CMIP: variants seen among roughly 807,000 people sequenced by gnomAD.
The protein encoded by CMIP is C-Maf-inducing protein.
Under a neutral mutation model 97.3 loss-of-function variants are expected in CMIP, and 13 were observed. The ratio of observed to expected loss-of-function variants is 0.13; its 90% CI spans 0.09 to 0.21. The LOEUF is 0.21. Ranked by LOEUF, CMIP falls within the 10% of genes least tolerant of loss-of-function variation. The pLI is 1.00. For synonymous variants in CMIP, 538 were observed against 436.3 expected, an observed-to-expected ratio of 1.23 and a Z score of -2.91; for missense variants, 847 against 1,024.9, an observed-to-expected ratio of 0.83 and a Z score of 2.37.
At chr16:81,487,761 G>A (rs751556926) in intron 1 of CMIP, among the ~76,000 whole-genome samples, 5 of 152,240 alleles carry the variant, frequency 3.3e-5, no homozygotes, top group Admixed American at 2.6e-4. Flanking sequence ...CCCATGCAAA[G>A]TGTTTGGTTG....
intron 1 of CMIP, among the ~76,000 whole-genome samples, chr16:81,563,390 C>T (rs774827108): frequency 1.5e-4 from 23 of 152,170 alleles, no homozygotes; most frequent in Non-Finnish European, 3.2e-4. Context: ...CGCGCTGCTG[C>T]GGTTTCCTTC....
At chr16:81,483,537 C>T (rs1056586460) in intron 1 of CMIP, among the ~76,000 whole-genome samples, 5 of 152,112 alleles carry the variant, frequency 3.3e-5, no homozygotes, top group Non-Finnish European at 7.4e-5. Flanking sequence ...CGAAGTGCCT[C>T]CTGGCTTGCC....
chr16:81,554,191 G>A (rs2090716515), intron 1 of CMIP, among the ~76,000 whole-genome samples: 1 of 152,202 alleles, frequency 6.6e-6, no homozygotes, highest in Admixed American at 6.5e-5. Flanking sequence ...TATGTTGAGG[G>A]GAGTCTACCT....
chr16:81,708,078 C>T (rs1908348563), intron 20 of CMIP, among the ~76,000 whole-genome samples: 1 of 152,260 alleles, frequency 6.6e-6, no homozygotes, highest in Non-Finnish European at 1.5e-5. Flanking sequence ...GTGGCTGCCA[C>T]AGTCCCCTTC....
rs79485558 is a variant in CMIP, at chr16:81,461,945, A to G, written c.300+16404A>G. 0.022 allele frequency among the ~76,000 whole-genome samples: 3,285 copies of G among 152,338 alleles called. 209 individuals carry two copies. In the East Asian group the frequency reaches 0.28, roughly 13 times the overall value. ...GGCATTGCGTGTTGCGGTGAGCTGC[A>G]TAGGCAGTTCTCATGGAGCTGGCTG... On this transcript the variant is annotated intron_variant, in intron 1 of 20. Transcript: ENST00000537098.
At chr16:81,601,269 CG>C (rs2150933154) in intron 1 of CMIP, among the ~76,000 whole-genome samples, 1 of 152,280 alleles carries the variant, frequency 6.6e-6, no homozygotes, top group South Asian at 2.1e-4. Context: ...TCAGCCTGGA[CG>C]TCATGATTCG....
chr16:81,500,559 G>A (rs562762358), intron 1 of CMIP, among the ~76,000 whole-genome samples: 11 of 146,772 alleles, frequency 7.5e-5, no homozygotes, highest in Admixed American at 2.8e-4. Context: ...TGCGATCTCC[G>A]CTCACTGCAA....
At chr16:81,609,379 C>T (rs986125675) in intron 2 of CMIP, among the ~76,000 whole-genome samples, 4 of 152,272 alleles carry the variant, frequency 2.6e-5, no homozygotes, top group African/African-American at 4.8e-5. Flanking sequence ...CCCCCCTCGG[C>T]GGGGGAGATG....
At chr16:81,457,596 A>G (rs1024213682) in intron 1 of CMIP, among the ~76,000 whole-genome samples, 12 of 152,232 alleles carry the variant, frequency 7.9e-5, no homozygotes, top group African/African-American at 2.7e-4. Context: ...AGGCTCTGCC[A>G]CATGTCCCCG....
Position 81,691,806 on chromosome 16 carries a change from G to T in CMIP, c.1420G>T (p.Ala474Ser), listed in dbSNP as rs779618183. Residue 474 changes from alanine to serine, a missense_variant, in exon 11 of 21, where the codon GCC becomes TCC. Physicochemically the swap from Ala to Ser is moderately conservative, Grantham distance 99. Transcript: ENST00000537098. Reference protein sequence around the residue: ...SDYDDWRPSLASLLQPIPFPK... With the variant: ...SDYDDWRPSLSSLLQPIPFPK... ...CTATGATGACTGGAGACCGTCTCTGGCCAGTTTGCTTCAACCCATTCCATT... is the reference window on the plus strand; with the variant it reads ...CTATGATGACTGGAGACCGTCTCTGTCCAGTTTGCTTCAACCCATTCCATT... 1.9e-6 allele frequency: 3 copies of T among 1,613,876 alleles called. No individual in the cohort carries two copies. The highest frequency in any genetic ancestry group is 4.5e-5 in the East Asian group (2 of 44,884).
intron 1 of CMIP, among the ~76,000 whole-genome samples, chr16:81,503,394 C>T (rs2150781143): frequency 6.6e-6 from 1 of 152,182 alleles, no homozygotes; most frequent in Middle Eastern, 3.4e-3. Context: ...CCTCTGATCC[C>T]TTTATTTTAA....
At chr16:81,661,693 C>T (rs1328462957) in intron 6 of CMIP, among the ~76,000 whole-genome samples, 1 of 152,164 alleles carries the variant, frequency 6.6e-6, no homozygotes, top group East Asian at 1.9e-4. Context: ...GAACAGCAGG[C>T]CCCTGGGAGG....
chr16:81,706,765 C>G (rs753105082), intron 19 of CMIP, among the ~76,000 whole-genome samples: 1 of 152,122 alleles, frequency 6.6e-6, no homozygotes, highest in Non-Finnish European at 1.5e-5. Context: ...GACAGAGGGA[C>G]CAGAAGGGAG....
chr16:81,594,290 G>C (rs574073534), intron 1 of CMIP, among the ~76,000 whole-genome samples: 2 of 150,338 alleles, frequency 1.3e-5, no homozygotes, highest in East Asian at 2.0e-4. Context: ...GCTAATTGTT[G>C]TATTTTTTTG....
intron 4 of CMIP, among the ~76,000 whole-genome samples, chr16:81,657,544 C>T (rs192700939): frequency 1.1e-4 from 16 of 152,124 alleles, no homozygotes; most frequent in Non-Finnish European, 2.1e-4. Context: ...ACTCAAGCCC[C>T]GAAACAGGGA....
intron 1 of CMIP, among the ~76,000 whole-genome samples, chr16:81,575,809 G>A (rs1486818278): frequency 6.6e-6 from 1 of 152,176 alleles, no homozygotes; most frequent in African/African-American, 2.4e-5. Flanking sequence ...TGTGTGAGTA[G>A]GGGTCAGTGA....
At chr16:81,692,968 C>A (rs539300169) in intron 11 of CMIP, among the ~76,000 whole-genome samples, 190 bp from the exon 12 acceptor site, 1 of 152,292 alleles carries the variant, frequency 6.6e-6, no homozygotes, top group African/African-American at 2.4e-5. Context: ...CTCTGATCTG[C>A]CGCCTCCTCA....
chr16:81,494,134 G>A (rs749258132), intron 1 of CMIP, among the ~76,000 whole-genome samples: 4 of 152,174 alleles, frequency 2.6e-5, no homozygotes, highest in East Asian at 1.9e-4. Flanking sequence ...CTCCAGGCAC[G>A]GTCCTTGCCT....
chr16:81,602,466 G>A (rs1184509597), intron 1 of CMIP, among the ~76,000 whole-genome samples: 1 of 152,214 alleles, frequency 6.6e-6, no homozygotes, highest in African/African-American at 2.4e-5. Flanking sequence ...CATACAGTAA[G>A]AGTCACGCTT....
Sources: allele counts gnomAD v4.1 joint callset (sites outside exome capture counted in the v4.1 genomes callset), GRCh38; gene constraint gnomAD v4.1.1; transcripts MANE v1.5; gene names NCBI Gene and HGNC (gene_info 2026-07-23, HGNC 2026-07-21).